Variants in KIFAP3 observed in about 807,000 individuals in gnomAD.
KIFAP3 encodes the protein kinesin-associated protein 3.
Under a neutral mutation model 106.5 loss-of-function variants are expected in KIFAP3, and 68 were observed. The ratio of observed to expected loss-of-function variants is 0.64; its 90% CI spans 0.53 to 0.78. The LOEUF is 0.78. Ranked by LOEUF, KIFAP3 falls within the 30% of genes least tolerant of loss-of-function variation. The probability of loss-of-function intolerance (pLI) is 0.00; values close to 1 mark genes in which losing one functional copy is unlikely to be tolerated. For missense variants in KIFAP3, 780 were observed against 941.8 expected, an observed-to-expected ratio of 0.83 and a Z score of 2.25; for synonymous variants, 320 against 311.5, an observed-to-expected ratio of 1.03 and a Z score of -0.29.
At chr1:170,077,694 T>C (rs1471152496), upstream of KIFAP3, among the ~76,000 whole-genome samples, 3 of 152,194 alleles carry the variant, frequency 2.0e-5, no homozygotes, top group Non-Finnish European at 4.4e-5. Flanking sequence ...AAAATTCCTT[T>C]GTATCCTTTG....
Position 170,055,393 on chromosome 1 carries a change from C to CT in KIFAP3, c.75dup (p.Ala26SerfsTer7). Reference sequence around the variant, plus strand: ...TCCACTTCATAGTGAACAATGAGTGCTTTTTCTGATGGATGTACATCTATA... The same window carrying CT: ...TCCACTTCATAGTGAACAATGAGTGCTTTTTTCTGATGGATGTACATCTATA... On this transcript the variant is annotated frameshift_variant, in exon 2 of 20. Coordinates refer to ENST00000361580, the MANE Select transcript of KIFAP3 (RefSeq NM_014970.4). LOFTEE classifies it high-confidence loss of function. 6.2e-7 allele frequency: 1 copy of CT among 1,608,814 alleles called. No homozygotes were observed. The highest frequency in any genetic ancestry group is 8.5e-7 in the Non-Finnish European group (1 of 1,176,802).
At chr1:170,050,793 T>G (rs1274646928) in intron 2 of KIFAP3, among the ~76,000 whole-genome samples, 1 of 152,154 alleles carries the variant, frequency 6.6e-6, no homozygotes, top group African/African-American at 2.4e-5. Context: ...AAGCAAATGC[T>G]GAGGGATTCT....
chr1:170,000,028 T>C (rs894595696), intron 10 of KIFAP3, among the ~76,000 whole-genome samples: 2 of 152,140 alleles, frequency 1.3e-5, no homozygotes, highest in African/African-American at 4.8e-5. Flanking sequence ...CTGATGGGTT[T>C]TGAATTTTAA....
intron 1 of KIFAP3, among the ~76,000 whole-genome samples, chr1:170,071,474 T>C (rs1157628009): frequency 1.3e-5 from 2 of 152,186 alleles, no homozygotes; most frequent in African/African-American, 4.8e-5. Context: ...TTATTTAGCT[T>C]ACAGTTCCGC....
At chr1:170,052,163 G>T (rs1465918927) in intron 2 of KIFAP3, among the ~76,000 whole-genome samples, 1 of 152,066 alleles carries the variant, frequency 6.6e-6, no homozygotes, top group African/African-American at 2.4e-5. Flanking sequence ...TACCACCACT[G>T]ATCCCACAGA....
rs59795603 is a variant in KIFAP3, at chr1:169,948,368, T to C, written c.2273+5643A>G. On this transcript the variant is annotated intron_variant, in intron 19 of 19. Transcript: ENST00000361580. ...GAAAGGCTTCATGAAGCATGTTTTCTGCTGAGAAAAAGTAATATGAAATTC... is the reference window on the plus strand; with the variant it reads ...GAAAGGCTTCATGAAGCATGTTTTCCGCTGAGAAAAAGTAATATGAAATTC... Among the ~76,000 whole-genome samples, 1,033 of 152,002 alleles carry C rather than the reference T, an allele frequency of 6.8e-3. 13 individuals carry two copies. Among genetic ancestry groups the C allele is most frequent in the African/African-American group, 0.023 (959 of 41,546 alleles).
chr1:169,995,329 T>C (rs1199824641), intron 10 of KIFAP3, among the ~76,000 whole-genome samples: 1 of 152,112 alleles, frequency 6.6e-6, no homozygotes, highest in Admixed American at 6.6e-5. Flanking sequence ...ATTATTTTTT[T>C]TCCCCCGGAA....
At chr1:170,005,634 A>C (rs1420129856) in intron 10 of KIFAP3, among the ~76,000 whole-genome samples, 1 of 146,060 alleles carries the variant, frequency 6.8e-6, no homozygotes, top group Non-Finnish European at 1.5e-5. Context: ...GCATGTTCTC[A>C]CTCATAGGTG....
intron 8 of KIFAP3, among the ~76,000 whole-genome samples, chr1:170,030,810 G>A (rs1669364142): frequency 6.6e-6 from 1 of 151,818 alleles, no homozygotes; most frequent in South Asian, 2.1e-4. Flanking sequence ...AAGAAGGAAA[G>A]GGAGAGATTG....
chr1:169,991,462 T>C (rs1019399553), intron 11 of KIFAP3, among the ~76,000 whole-genome samples: 1 of 151,996 alleles, frequency 6.6e-6, no homozygotes, highest in Admixed American at 6.6e-5. Context: ...TTCATGGAAA[T>C]GCAAATAAAA....
intron 7 of KIFAP3, among the ~76,000 whole-genome samples, chr1:170,032,431 T>C (rs149299756): frequency 2.5e-4 from 38 of 151,892 alleles, no homozygotes; most frequent in Admixed American, 6.6e-4. Context: ...ATTCAAAGGA[T>C]ATAGATTAAA....
chr1:170,027,265 C>T (rs1446805563), intron 8 of KIFAP3, among the ~76,000 whole-genome samples: 1 of 152,106 alleles, frequency 6.6e-6, no homozygotes, highest in African/African-American at 2.4e-5. Context: ...GGTGATCTGC[C>T]TGCCTTGGCC....
intron 14 of KIFAP3, 83 bp downstream of exon 14, chr1:169,982,619 A>T: frequency 1.1e-6 from 1 of 921,456 alleles, no homozygotes; most frequent in African/African-American, 1.7e-5. Flanking sequence ...AATAATAGTC[A>T]CACAATACTG....
intron 2 of KIFAP3, among the ~76,000 whole-genome samples, chr1:170,055,054 A>G (rs1242558275): frequency 1.3e-5 from 2 of 152,118 alleles, no homozygotes; most frequent in Admixed American, 1.3e-4. Flanking sequence ...TATTATATTC[A>G]TTTTCTAAAT....
chr1:169,956,392 C>T (rs1333835624), intron 18 of KIFAP3, among the ~76,000 whole-genome samples: 1 of 151,994 alleles, frequency 6.6e-6, no homozygotes, highest in Non-Finnish European at 1.5e-5. Flanking sequence ...ATTTTTGATT[C>T]AGAATGCCTA....
chr1:170,002,570 C>A (rs1557827862), intron 10 of KIFAP3, among the ~76,000 whole-genome samples: 2 of 152,084 alleles, frequency 1.3e-5, no homozygotes, highest in Admixed American at 6.6e-5. Flanking sequence ...TTAGAAGAAT[C>A]AAAATTTACA....
At chr1:169,976,935 G>A (rs1666244612) in intron 16 of KIFAP3, among the ~76,000 whole-genome samples, 1 of 152,098 alleles carries the variant, frequency 6.6e-6, no homozygotes, top group African/African-American at 2.4e-5. Flanking sequence ...ATGTAGCCCA[G>A]GCTGGTCTCA....
chr1:169,985,216 G>GA (rs1243854344), intron 11 of KIFAP3, among the ~76,000 whole-genome samples: 1 of 151,830 alleles, frequency 6.6e-6, no homozygotes, highest in Non-Finnish European at 1.5e-5. Context: ...TTCTAAATAG[G>GA]AAAGTGTCAG....
intron 19 of KIFAP3, among the ~76,000 whole-genome samples, chr1:169,928,103 C>CTTT (rs59128071): frequency 6.7e-6 from 1 of 148,856 alleles, no homozygotes; most frequent in Non-Finnish European, 1.5e-5. Flanking sequence ...TATCTTTTCT[C>CTTT]TTTTTTTTTT....
Sources: gnomAD v4.1 joint callset for allele counts (sites outside exome capture counted in the v4.1 genomes callset) on GRCh38, gnomAD v4.1.1 for gene constraint, MANE v1.5 for transcripts, NCBI Gene and HGNC (gene_info 2026-07-23, HGNC 2026-07-21) for gene names.